TRIM23: variants seen among roughly 807,000 people sequenced by gnomAD.
TRIM23 encodes the protein E3 ubiquitin-protein ligase TRIM23.
In TRIM23, 27 loss-of-function variants were observed where a neutral mutation model predicts 71.0. That is an observed-to-expected ratio of 0.38 (90% CI 0.28 to 0.52). The LOEUF is 0.52. Among genes scored for constraint, TRIM23 ranks in the 20% least tolerant of loss-of-function variants. TRIM23 has a pLI of 0.84. For missense variants in TRIM23, 482 were observed against 692.3 expected, an observed-to-expected ratio of 0.70 and a Z score of 3.41; for synonymous variants, 234 against 238.0, an observed-to-expected ratio of 0.98 and a Z score of 0.16.
At chr5:65,622,420 G>A (rs930514462) in intron 1 of TRIM23, among the ~76,000 whole-genome samples, 1 of 152,126 alleles carries the variant, frequency 6.6e-6, no homozygotes, top group African/African-American at 2.4e-5. Flanking sequence ...GCCCACTTTG[G>A]CCTCCCAAAG....
Position 65,598,735 on chromosome 5 carries a change from C to T in TRIM23, c.1180-1555G>A, listed in dbSNP as rs146752984. 4.7e-5 allele frequency among the ~76,000 whole-genome samples: 6 copies of T among 126,858 alleles called. No homozygotes were observed. The East Asian group carries it at 6.3e-4, about 13-fold the overall frequency. The allele number at this position is 126,858 out of a possible 152,430, so 83.2% of individuals were successfully genotyped here. Reference sequence around the variant, plus strand: ...TGCACTCCAGCCTGGGCAACAAGAGCGAAACTCCGCCTCAAAAAAAAAAAA... The same window carrying T: ...TGCACTCCAGCCTGGGCAACAAGAGTGAAACTCCGCCTCAAAAAAAAAAAA... On this transcript the variant is annotated intron_variant, in intron 7 of 10. Coordinates refer to ENST00000231524, the MANE Select transcript of TRIM23 (RefSeq NM_001656.4).
At chr5:65,618,486 G>A (rs1349541268) in intron 1 of TRIM23, among the ~76,000 whole-genome samples, 1 of 151,968 alleles carries the variant, frequency 6.6e-6, no homozygotes, top group East Asian at 1.9e-4. Flanking sequence ...TAAGTGTTGG[G>A]GCAAAGATGC....
intron 10 of TRIM23, among the ~76,000 whole-genome samples, chr5:65,593,654 T>A (rs987164920): frequency 6.6e-6 from 1 of 152,166 alleles, no homozygotes; most frequent in Non-Finnish European, 1.5e-5. Flanking sequence ...TCTACTCTCC[T>A]TCTGCCTCTA....
Position 65,590,366 on chromosome 5 carries a change from C to A in TRIM23, c.*1403G>T. ...ACATATTGCCCATAATACTGATAGGCTTTTTTTTTAATGCTTTGTTTTCTA... is the reference window on the plus strand; with the variant it reads ...ACATATTGCCCATAATACTGATAGGATTTTTTTTTAATGCTTTGTTTTCTA... On this transcript the variant is annotated 3_prime_UTR_variant, in exon 11 of 11. Coordinates refer to ENST00000231524, the MANE Select transcript of TRIM23 (RefSeq NM_001656.4). The A allele has an allele frequency of 2.2e-6, 3 of 1,364,332 alleles. No homozygotes were observed. Among genetic ancestry groups the A allele is most frequent in the Non-Finnish European group, 2.9e-6 (3 of 1,026,838 alleles). The allele number at this position is 1,364,332 out of a possible 1,614,324, so 84.5% of individuals were successfully genotyped here.
intron 6 of TRIM23, among the ~76,000 whole-genome samples, chr5:65,608,086 A>T (rs1436468919): frequency 6.6e-6 from 1 of 152,264 alleles, no homozygotes; most frequent in African/African-American, 2.4e-5. Flanking sequence ...TTAAGGAGGT[A>T]GCAATTGTAT....
chr5:65,605,729 CAT>C (rs1327167368), intron 6 of TRIM23, among the ~76,000 whole-genome samples: 12 of 152,212 alleles, frequency 7.9e-5, no homozygotes, highest in African/African-American at 2.9e-4. Flanking sequence ...CATATACCAA[CAT>C]AGTCTTTATA....
In TRIM23 at chr5:65,618,246, A is replaced by G; in HGVS notation, c.91T>C (p.Cys31Arg). ...GAAAAGACATCTTCACAAACTCCAC[A>G]CTCTAGCACCTAATATTTGAAAAGG... Reference protein sequence around the residue: ...RGTAVVKVLECGVCEDVFSLQ... With the variant: ...RGTAVVKVLERGVCEDVFSLQ... The change falls in exon 2 of 11, where the codon TGT becomes CGT. Residue 31 changes from cysteine (C) to arginine (R), a missense_variant. Physicochemically the swap from Cys to Arg is radical, Grantham distance 180. Around this residue, in one of 2 missense-constraint regions of TRIM23, gnomAD observed 175 missense variants for 196.5 expected, o/e 0.89. Transcript: ENST00000231524. The G allele has an allele frequency of 6.2e-7, 1 of 1,608,870 alleles. No individual in the cohort carries two copies. Among genetic ancestry groups the G allele is most frequent in the South Asian group, 1.1e-5 (1 of 89,860 alleles).
chr5:65,608,133 T>G (rs1020152669), intron 6 of TRIM23, among the ~76,000 whole-genome samples: 7 of 152,126 alleles, frequency 4.6e-5, no homozygotes, highest in African/African-American at 1.4e-4. Flanking sequence ...GCTAAAGGAA[T>G]AAAAGGAAGA....
intron 1 of TRIM23, among the ~76,000 whole-genome samples, chr5:65,619,847 C>T (rs950385103): frequency 1.2e-4 from 18 of 152,046 alleles, no homozygotes; most frequent in African/African-American, 1.2e-4. Context: ...TTTGGGAGGC[C>T]GAGGCGAGTG....
Position 65,618,250 on chromosome 5 carries a change from T to G in TRIM23, c.87A>C (p.Leu29=), listed in dbSNP as rs779672401. Reference sequence around the variant, plus strand: ...AGACATCTTCACAAACTCCACACTCTAGCACCTAATATTTGAAAAGGAAGG... The same window carrying G: ...AGACATCTTCACAAACTCCACACTCGAGCACCTAATATTTGAAAAGGAAGG... ...GSRGTAVVKV[L]ECGVCEDVFS... Residue 29 remains leucine, a synonymous_variant, in exon 2 of 11, where the codon CTA becomes CTC. Coordinates refer to ENST00000231524, the MANE Select transcript of TRIM23 (RefSeq NM_001656.4). 6.2e-7 allele frequency: 1 copy of G among 1,608,148 alleles called. No homozygotes were observed. The highest frequency in any genetic ancestry group is 1.1e-5 in the South Asian group (1 of 89,734).
At chr5:65,594,025 T>C (rs1754122410) in intron 10 of TRIM23, among the ~76,000 whole-genome samples, 1 of 152,226 alleles carries the variant, frequency 6.6e-6, no homozygotes, top group Non-Finnish European at 1.5e-5. Flanking sequence ...AGCATGGCCT[T>C]GTCTGTTATT....
intron 1 of TRIM23, among the ~76,000 whole-genome samples, chr5:65,619,853 G>A (rs1442444143): frequency 6.6e-6 from 1 of 152,144 alleles, no homozygotes; most frequent in East Asian, 1.9e-4. Flanking sequence ...AGGCCGAGGC[G>A]AGTGGATCAT....
intron 2 of TRIM23, among the ~76,000 whole-genome samples, chr5:65,614,832 A>G (rs977450707): frequency 3.3e-5 from 5 of 152,180 alleles, no homozygotes; most frequent in African/African-American, 1.2e-4. Flanking sequence ...AAACTTAGAA[A>G]TGGTTAAAAC....
chr5:65,609,574 G>T, intron 5 of TRIM23, 116 bp from the exon 6 acceptor site: 1 of 1,120,316 alleles, frequency 8.9e-7, no homozygotes, highest in East Asian at 2.6e-5. Flanking sequence ...ACAAAAAATG[G>T]AAAAAATTAG....
intron 10 of TRIM23, among the ~76,000 whole-genome samples, chr5:65,593,974 T>A (rs575768392): frequency 6.6e-6 from 1 of 152,342 alleles, no homozygotes; most frequent in East Asian, 1.9e-4. Flanking sequence ...GCTCATAGAA[T>A]AAAACCTAAA....
chr5:65,595,041 C>G (rs1034142621), intron 9 of TRIM23, among the ~76,000 whole-genome samples: 6 of 152,076 alleles, frequency 3.9e-5, no homozygotes, highest in Non-Finnish European at 5.9e-5. Context: ...AAGATAAAAA[C>G]CATCACCATT....
rs998066030 is a variant in TRIM23, at chr5:65,590,845, G to A, written c.*924C>T. The stretch of plus-strand genomic sequence containing the variant: ...GTACTTACAACTTCTCTTGAAGTTC[G>A]CTTTCTATTTAGGTCACTAGCTTTT... On this transcript the variant is annotated 3_prime_UTR_variant, in exon 11 of 11. Transcript: ENST00000231524. 3 of 985,174 alleles carry A rather than the reference G, an allele frequency of 3.0e-6. No individual in the cohort carries two copies. The highest frequency in any genetic ancestry group is 3.6e-6 in the Non-Finnish European group (3 of 829,926). The allele number at this position is 985,174 out of a possible 1,614,324, so 61.0% of individuals were successfully genotyped here. A position where few individuals can be genotyped will look rare whatever the true frequency, so the allele number is the denominator to read the frequency against.
chr5:65,624,089 G>T, intron 1 of TRIM23, 105 bp downstream of exon 1: 2 of 1,363,240 alleles, frequency 1.5e-6, no homozygotes, highest in Non-Finnish European at 2.1e-6. Flanking sequence ...CCCAGAGGCC[G>T]CGCATCCCAC....
chr5:65,622,942 G>A (rs1054229946), intron 1 of TRIM23, among the ~76,000 whole-genome samples: 5 of 152,114 alleles, frequency 3.3e-5, no homozygotes, highest in Non-Finnish European at 7.4e-5. Flanking sequence ...TGCTCTTCAA[G>A]TATTCTCTAC....
Sources: gnomAD v4.1 joint callset for allele counts (sites outside exome capture counted in the v4.1 genomes callset) on GRCh38, gnomAD v4.1.1 for gene constraint, gnomAD v4.1.1 regional missense constraint, MANE v1.5 for transcripts, NCBI Gene and HGNC (gene_info 2026-07-23, HGNC 2026-07-21) for gene names.